Variants in FBN2 observed in about 807,000 individuals in gnomAD.
FBN2 encodes the protein fibrillin 2.
A neutral mutation model predicts 355.6 loss-of-function variants in FBN2; 105 were observed. The observed-to-expected ratio is 0.30, with a 90% confidence interval of 0.25 to 0.35. FBN2 has a LOEUF of 0.35. Among genes scored for constraint, FBN2 ranks in the 10% least tolerant of loss-of-function variants. The pLI is 1.00. For synonymous variants in FBN2, 1,350 were observed against 1,301.2 expected (o/e 1.04, Z -0.81); for missense variants, 3,280 against 3,758.7 (o/e 0.87, Z 3.33).
In FBN2 at chr5:128,412,592, C is replaced by A. The variant is rs933947042; in HGVS notation, c.953-3793G>T. Among the ~76,000 whole-genome samples the A allele has an allele frequency of 1.1e-4, 17 of 151,988 alleles. No homozygotes were observed. The South Asian group carries it at 1.7e-3, about 15-fold the overall frequency. Reference sequence around the variant, plus strand: ...TAATAAACAACAACAACAACAACAACAAAAAACAGCATGGGCAACTGGGTC... The same window carrying A: ...TAATAAACAACAACAACAACAACAAAAAAAAACAGCATGGGCAACTGGGTC... On this transcript the variant is annotated intron_variant, in intron 7 of 64. Coordinates refer to ENST00000262464, the MANE Select transcript of FBN2 (RefSeq NM_001999.4).
chr5:128,332,776 A>C (rs1432181257), intron 32 of FBN2, 136 bp downstream of exon 32: 3 of 885,700 alleles, frequency 3.4e-6, no homozygotes, highest in Non-Finnish European at 5.7e-6. Flanking sequence ...ACCCTTAGGC[A>C]GGAATTATCT....
At chr5:128,510,081 G>A (rs960306681) in intron 5 of FBN2, among the ~76,000 whole-genome samples, 11 of 152,106 alleles carry the variant, frequency 7.2e-5, no homozygotes, top group African/African-American at 2.7e-4. Flanking sequence ...TCTGCCCTGA[G>A]AACTCTAGCC....
At chr5:128,283,385 C>T (rs1416999155) in intron 55 of FBN2, among the ~76,000 whole-genome samples, 3 of 152,204 alleles carry the variant, frequency 2.0e-5, no homozygotes, top group Non-Finnish European at 4.4e-5. Context: ...TCCACTGAAA[C>T]CTCCTGAAGA....
Position 128,537,665 on chromosome 5 carries a change from T to G in FBN2, c.-62A>C, listed in dbSNP as rs1252851034. ...AGAGGGAGTGATCAAAGACAAAATC[T>G]GCGCGCCTCAGAAAAGAGTCAGGGT... On this transcript the variant is annotated 5_prime_UTR_variant, in exon 1 of 65. Coordinates refer to ENST00000262464, the MANE Select transcript of FBN2 (RefSeq NM_001999.4). The G allele has an allele frequency of 8.5e-6, 13 of 1,528,036 alleles. No homozygotes were observed. Among genetic ancestry groups the G allele is most frequent in the Non-Finnish European group, 1.2e-5 (13 of 1,118,678 alleles). The allele number at this position is 1,528,036 out of a possible 1,614,324, so 94.7% of individuals were successfully genotyped here.
At chr5:128,331,762 A>C (rs1014777917) in intron 32 of FBN2, among the ~76,000 whole-genome samples, 2 of 152,132 alleles carry the variant, frequency 1.3e-5, no homozygotes, top group African/African-American at 4.8e-5. Flanking sequence ...AAAGGAGAGG[A>C]TGAATTTGGG....
intron 63 of FBN2, 37 bp from the exon 64 acceptor site, chr5:128,261,944 A>C: frequency 1.3e-6 from 2 of 1,574,954 alleles, no homozygotes; most frequent in Non-Finnish European, 1.7e-6. Flanking sequence ...AGACTTTATC[A>C]CTGACTTGAC....
In FBN2 at chr5:128,434,422, A is replaced by ATATATATATATATATATATATATG. The variant is rs1561455185; in HGVS notation, c.952+12058_952+12059insCATATATATATATATATATATATA. ...TATATATATATATATATATATATAT[A>ATATATATATATATATATATATATG]TATGGGCAGTAAGTGACAGCACTGG... On this transcript the variant is annotated intron_variant, in intron 7 of 64. Transcript: ENST00000262464. Among the ~76,000 whole-genome samples the ATATATATATATATATATATATATG allele has an allele frequency of 8.4e-4, 111 of 132,692 alleles. 4 individuals carry two copies. The highest frequency in any genetic ancestry group is 3.4e-3 in the African/African-American group (105 of 30,444). 87.1% of individuals were successfully genotyped at this position (132,692 alleles called of 152,430 possible). A position where few individuals can be genotyped will look rare whatever the true frequency, so the allele number is the denominator to read the frequency against.
rs1375565500 is a variant in FBN2, at chr5:128,289,171, C to T, written c.6593G>A (p.Cys2198Tyr). 1 of 1,613,914 alleles carries T rather than the reference C, an allele frequency of 6.2e-7. No individual in the cohort carries two copies. The highest frequency in any genetic ancestry group is 8.5e-7 in the Non-Finnish European group (1 of 1,179,844). ...INTDGSFRCECPMGYNLDYTG... is the reference protein window; with the variant it reads ...INTDGSFRCEYPMGYNLDYTG... Reference sequence around the variant, plus strand: ...GTAGTCAAGGTTGTAGCCCATTGGACATTCACAGCGAAAAGATCCGTCGGT... The same window carrying T: ...GTAGTCAAGGTTGTAGCCCATTGGATATTCACAGCGAAAAGATCCGTCGGT... Residue 2198 changes from cysteine (C) to tyrosine (Y), a missense_variant, in exon 52 of 65, where the codon TGT (cysteine) becomes TAT (tyrosine). By Grantham distance (194) the Cys-to-Tyr change is radical (BLOSUM62 -2). Transcript: ENST00000262464.
chr5:128,296,667 T>G (rs1353651501), intron 48 of FBN2, among the ~76,000 whole-genome samples: 1 of 152,232 alleles, frequency 6.6e-6, no homozygotes, highest in Non-Finnish European at 1.5e-5. Flanking sequence ...TGTATTTCTG[T>G]GGGATCGATG....
chr5:128,517,758 C>A (rs917261563), intron 5 of FBN2, among the ~76,000 whole-genome samples: 1 of 152,000 alleles, frequency 6.6e-6, no homozygotes, highest in Non-Finnish European at 1.5e-5. Context: ...GGCTTTTTCA[C>A]GACTCAAAGC....
intron 23 of FBN2, among the ~76,000 whole-genome samples, chr5:128,346,879 AT>A (rs1208165842): frequency 2.6e-5 from 4 of 152,232 alleles, no homozygotes; most frequent in African/African-American, 9.7e-5. Flanking sequence ...GTAAATGTTT[AT>A]TTTGATTCAG....
chr5:128,517,848 TAAAG>T (rs1212838131), intron 5 of FBN2, among the ~76,000 whole-genome samples: 2 of 152,204 alleles, frequency 1.3e-5, no homozygotes, highest in African/African-American at 4.8e-5. Flanking sequence ...AGTTTCACAA[TAAAG>T]AAAGTGCTGT....
chr5:128,535,817 C>CA (rs10676699), intron 2 of FBN2, among the ~76,000 whole-genome samples: 18,317 of 118,214 alleles, frequency 0.15, 1,357 homozygotes, highest in African/African-American at 0.25. Context: ...TTCCAAAAAG[C>CA]AAAAAAAAAA....
In FBN2 at chr5:128,304,351, A is replaced by G. The variant is rs146877727; in HGVS notation, c.5800+606T>C. On this transcript the variant is annotated intron_variant, in intron 45 of 64. Coordinates refer to ENST00000262464, the MANE Select transcript of FBN2 (RefSeq NM_001999.4). ...ATCTGTCTTTGAAAACCTATTAATC[A>G]TCAGCTCAGCAAGTACTCACTAAGC... Among the ~76,000 whole-genome samples, 401 of 152,286 alleles carry G rather than the reference A, an allele frequency of 2.6e-3. 3 individuals carry two copies. Among genetic ancestry groups the G allele is most frequent in the African/African-American group, 9.3e-3 (385 of 41,572 alleles).
At chr5:128,374,896 T>A in intron 14 of FBN2, 146 bp from the exon 15 acceptor site, 1 of 816,924 alleles carries the variant, frequency 1.2e-6, no homozygotes, top group Non-Finnish European at 2.0e-6. Flanking sequence ...GTAACAGGTA[T>A]CATATACAAA....
In FBN2 at chr5:128,384,476, CT is replaced by C. The variant is rs529012743; in HGVS notation, c.1604-5587del. On this transcript the variant is annotated intron_variant, in intron 11 of 64. Transcript: ENST00000262464. ...GTATGTCAATTAAACCACAATAAAG[CT>C]AGTTTAAAAATCTGCACAATACTTC... Among the ~76,000 whole-genome samples, 31 of 152,106 alleles carry C rather than the reference CT, an allele frequency of 2.0e-4. No homozygotes were observed. In the East Asian group the frequency reaches 2.1e-3, roughly 10 times the overall value.
chr5:128,417,114 G>A (rs1274921124), intron 7 of FBN2, among the ~76,000 whole-genome samples: 5 of 151,944 alleles, frequency 3.3e-5, no homozygotes, highest in Admixed American at 6.6e-5. Context: ...TTTTTGCAGC[G>A]ATGGTAAATA....
chr5:128,352,439 A>T (rs535567586), intron 20 of FBN2, among the ~76,000 whole-genome samples: 1 of 152,332 alleles, frequency 6.6e-6, no homozygotes, highest in Non-Finnish European at 1.5e-5. Context: ...TTTTTATTTT[A>T]TGTGGATTAA....
rs374629481 is a variant in FBN2, at chr5:128,311,220, G to A, written c.5074+80C>T. On this transcript the variant is annotated intron_variant, in intron 39 of 64. Transcript: ENST00000262464. ...TAATTGAGCCTTTTGTAGAATGTGA[G>A]GATGGGCCTTTCCCTCAGGCCTCAG... The A allele has an allele frequency of 2.5e-4, 371 of 1,470,478 alleles. 7 individuals are homozygous for A. The East Asian group carries it at 6.6e-3, about 26-fold the overall frequency. 91.1% of individuals were successfully genotyped at this position (1,470,478 alleles called of 1,614,324 possible). A position where few individuals can be genotyped will look rare whatever the true frequency, so the allele number is the denominator to read the frequency against.
Sources: allele counts gnomAD v4.1 joint callset (sites outside exome capture counted in the v4.1 genomes callset), GRCh38; gene constraint gnomAD v4.1.1; transcripts MANE v1.5; gene names NCBI Gene and HGNC (gene_info 2026-07-23, HGNC 2026-07-21).